Variants in NELL2 observed in about 807,000 individuals in gnomAD.
NELL2 encodes the protein neural EGFL like 2.
A neutral mutation model predicts 109.6 loss-of-function variants in NELL2; 41 were observed. The observed-to-expected ratio is 0.37, with a 90% CI of 0.29 to 0.49. The LOEUF is 0.49. NELL2 is among the 20% of genes least tolerant of loss of function. The probability of loss-of-function intolerance (pLI) is 0.98; values close to 1 mark genes in which losing one functional copy is unlikely to be tolerated. For synonymous variants in NELL2, 355 were observed against 344.7 expected (o/e 1.03, Z -0.33); for missense variants, 900 against 1,008.3 (o/e 0.89, Z 1.45).
chr12:44,762,938 G>A (rs577634257), intron 9 of NELL2, among the ~76,000 whole-genome samples: 98 of 152,110 alleles, frequency 6.4e-4, no homozygotes, highest in Non-Finnish European at 1.3e-3. Context: ...ATTTCTATAT[G>A]CCTAGAACAA....
chr12:44,562,569 C>T (rs561193853), intron 15 of NELL2, among the ~76,000 whole-genome samples: 53 of 152,310 alleles, frequency 3.5e-4, no homozygotes, highest in African/African-American at 1.2e-3. Flanking sequence ...CGAAAAAAAG[C>T]TCATCATCAC....
At chr12:44,894,520 T>TA (rs1313658729) in intron 1 of NELL2, among the ~76,000 whole-genome samples, 1 of 152,214 alleles carries the variant, frequency 6.6e-6, no homozygotes, top group Non-Finnish European at 1.5e-5. Context: ...AAGTCATGAT[T>TA]ACGTTTATAT....
chr12:44,567,203 A>C (rs1235782399), intron 15 of NELL2, among the ~76,000 whole-genome samples: 1 of 152,210 alleles, frequency 6.6e-6, no homozygotes, highest in African/African-American at 2.4e-5. Context: ...AAAGTACTTA[A>C]ATCATTTTTA....
chr12:44,529,928 T>C (rs1157051409), intron 16 of NELL2, among the ~76,000 whole-genome samples: 1 of 152,208 alleles, frequency 6.6e-6, no homozygotes, highest in African/African-American at 2.4e-5. Flanking sequence ...GGGAAGTTAC[T>C]TTTTGTTTGC....
At chr12:44,753,006 T>C (rs962744278) in intron 9 of NELL2, among the ~76,000 whole-genome samples, 17 of 152,120 alleles carry the variant, frequency 1.1e-4, no homozygotes, top group African/African-American at 3.6e-4. Flanking sequence ...ACCACGACCC[T>C]TGGACGCTGC....
intron 11 of NELL2, among the ~76,000 whole-genome samples, chr12:44,708,630 C>T (rs1423127770): frequency 2.6e-5 from 4 of 152,174 alleles, no homozygotes; most frequent in Non-Finnish European, 4.4e-5. Flanking sequence ...ACGTTTATTT[C>T]ACATATTTGA....
At chr12:44,841,231 T>C (rs1944217369) in intron 2 of NELL2, among the ~76,000 whole-genome samples, 1 of 152,192 alleles carries the variant, frequency 6.6e-6, no homozygotes, top group Non-Finnish European at 1.5e-5. Flanking sequence ...TCAGAAGCAA[T>C]TGAGCTTCTT....
intron 15 of NELL2, among the ~76,000 whole-genome samples, chr12:44,535,452 G>A (rs1942255329): frequency 6.6e-6 from 1 of 151,776 alleles, no homozygotes; most frequent in African/African-American, 2.4e-5. Context: ...CTAAGTGCTG[G>A]GGAAACAAGG....
chr12:44,512,361 C>G (rs1460163980), intron 19 of NELL2, among the ~76,000 whole-genome samples: 1 of 151,826 alleles, frequency 6.6e-6, no homozygotes, highest in Non-Finnish European at 1.5e-5. Context: ...AAACAGGAAC[C>G]CTTGTGCACT....
chr12:44,621,513 G>A (rs1047346316), intron 13 of NELL2, among the ~76,000 whole-genome samples: 5 of 151,836 alleles, frequency 3.3e-5, no homozygotes, highest in African/African-American at 9.7e-5. Context: ...CAGGATCTGG[G>A]GCCATACTCA....
intron 9 of NELL2, among the ~76,000 whole-genome samples, chr12:44,743,866 T>A (rs369916410): frequency 4.0e-5 from 6 of 151,212 alleles, no homozygotes; most frequent in African/African-American, 9.7e-5. Flanking sequence ...CTTTAACACC[T>A]CACTGTCAAC....
intron 14 of NELL2, among the ~76,000 whole-genome samples, chr12:44,609,013 A>G (rs1414918051): frequency 6.6e-6 from 1 of 151,864 alleles, no homozygotes; most frequent in Non-Finnish European, 1.5e-5. Flanking sequence ...ATAATAAAAT[A>G]GGTCAATTAT....
chr12:44,508,867 A>G lies in NELL2; in HGVS notation c.*67T>C. 1.4e-6 allele frequency: 2 copies of G among 1,399,468 alleles called. No homozygotes were observed. The highest frequency in any genetic ancestry group is 2.0e-6 in the Non-Finnish European group (2 of 1,000,164). The allele number at this position is 1,399,468 out of a possible 1,614,324, so 86.7% of individuals were successfully genotyped here. A position where few individuals can be genotyped will look rare whatever the true frequency, so the allele number is the denominator to read the frequency against. ...CCACAAATCACCCAATTTAAGTTTT[A>G]ACTTCTTTTTGGTCTTTTAATGAAA... On this transcript the variant is annotated 3_prime_UTR_variant, in exon 20 of 20. Transcript: ENST00000429094.
intron 19 of NELL2, among the ~76,000 whole-genome samples, chr12:44,517,737 A>T (rs1011537538): frequency 6.6e-6 from 1 of 152,166 alleles, no homozygotes; most frequent in Admixed American, 6.5e-5. Flanking sequence ...ATTGAACAAC[A>T]GAGTGCCAGA....
intron 9 of NELL2, among the ~76,000 whole-genome samples, chr12:44,746,091 A>C (rs1940332341): frequency 6.6e-6 from 1 of 152,234 alleles, no homozygotes; most frequent in South Asian, 2.1e-4. Flanking sequence ...TACTGGTACC[A>C]AAACAGAGAT....
intron 13 of NELL2, among the ~76,000 whole-genome samples, chr12:44,643,778 G>A (rs73098353): frequency 6.6e-6 from 1 of 152,022 alleles, no homozygotes; most frequent in Non-Finnish European, 1.5e-5. Flanking sequence ...GAGTTTCTAT[G>A]GATAAATATT....
At chr12:44,737,695 T>C (rs1028252245) in intron 9 of NELL2, among the ~76,000 whole-genome samples, 5 of 152,078 alleles carry the variant, frequency 3.3e-5, no homozygotes, top group African/African-American at 7.2e-5. Flanking sequence ...TTCTTCCACT[T>C]TCTATTGGTC....
chr12:44,754,068 A>T (rs978375644), intron 9 of NELL2, among the ~76,000 whole-genome samples: 1 of 152,224 alleles, frequency 6.6e-6, no homozygotes, highest in Non-Finnish European at 1.5e-5. Flanking sequence ...AAATGGTATC[A>T]AGTGAAGAAT....
intron 2 of NELL2, among the ~76,000 whole-genome samples, chr12:44,835,711 A>T (rs932261770): frequency 6.6e-6 from 1 of 152,232 alleles, no homozygotes; most frequent in Non-Finnish European, 1.5e-5. Flanking sequence ...ACTGATTTCA[A>T]TTCAGTACAT....
Sources: gnomAD v4.1 joint callset for allele counts (sites outside exome capture counted in the v4.1 genomes callset) on GRCh38, gnomAD v4.1.1 for gene constraint, MANE v1.5 for transcripts, NCBI Gene and HGNC (gene_info 2026-07-23, HGNC 2026-07-21) for gene names.